The following SEMA6D variants were observed in gnomAD, a reference collection of about 807,000 sequenced individuals.
SEMA6D encodes the protein semaphorin-6D.
A neutral mutation model predicts 106.6 loss-of-function variants in SEMA6D; 35 were observed. The ratio of observed to expected loss-of-function variants is 0.33; its 90% CI spans 0.25 to 0.44. The LOEUF is 0.44. Ranked by LOEUF, SEMA6D falls within the 20% of genes least tolerant of loss-of-function variation. The pLI is 1.00. For synonymous variants in SEMA6D, 499 were observed against 487.7 expected (o/e 1.02, Z -0.31); for missense variants, 1,185 against 1,345.9 (o/e 0.88, Z 1.87).
At chr15:47,193,371 T>G (rs1310656260) in intron 1 of SEMA6D, among the ~76,000 whole-genome samples, 1 of 152,196 alleles carries the variant, frequency 6.6e-6, no homozygotes, top group East Asian at 1.9e-4. Flanking sequence ...TTGGAGCATT[T>G]TGGATTTCAG....
At chr15:47,216,209 C>T (rs1163681676) in intron 1 of SEMA6D, among the ~76,000 whole-genome samples, 1 of 152,058 alleles carries the variant, frequency 6.6e-6, no homozygotes, top group Admixed American at 6.6e-5. Flanking sequence ...TTTTCATGAG[C>T]ATGTAGCTTT....
intron 4 of SEMA6D, among the ~76,000 whole-genome samples, chr15:47,668,996 T>A (rs1308246905): frequency 6.6e-5 from 10 of 152,224 alleles, no homozygotes; most frequent in Non-Finnish European, 2.9e-5. Context: ...AAAAATATTA[T>A]AATGAACACC....
At chr15:47,692,442 A>G (rs1209471150) in intron 4 of SEMA6D, among the ~76,000 whole-genome samples, 1 of 152,182 alleles carries the variant, frequency 6.6e-6, no homozygotes, top group Non-Finnish European at 1.5e-5. Context: ...AATCTTGTTA[A>G]GGTCCACTTG....
At chr15:47,750,480 C>G (rs1381362551) in intron 1 of SEMA6D, among the ~76,000 whole-genome samples, 1 of 152,198 alleles carries the variant, frequency 6.6e-6, no homozygotes, top group African/African-American at 2.4e-5. Flanking sequence ...CCTCTTTCCT[C>G]TCTTGCTGCC....
chr15:47,281,625 A>G (rs980805028), intron 1 of SEMA6D, among the ~76,000 whole-genome samples: 3 of 152,080 alleles, frequency 2.0e-5, no homozygotes, highest in African/African-American at 4.8e-5. Context: ...TCCTAGTCTC[A>G]ATGGTCTTTA....
At chr15:47,342,013 T>C (rs887520050) in intron 1 of SEMA6D, among the ~76,000 whole-genome samples, 7 of 152,136 alleles carry the variant, frequency 4.6e-5, no homozygotes, top group African/African-American at 1.7e-4. Context: ...TGTGTTTTTT[T>C]TTTTCCTTTT....
intron 3 of SEMA6D, among the ~76,000 whole-genome samples, chr15:47,486,926 C>T (rs1349155162): frequency 6.6e-6 from 1 of 152,064 alleles, no homozygotes; most frequent in Admixed American, 6.6e-5. Flanking sequence ...TTTAACTTTC[C>T]CAGAACACAC....
chr15:47,392,061 T>C (rs1186674235), intron 1 of SEMA6D, among the ~76,000 whole-genome samples: 1 of 152,100 alleles, frequency 6.6e-6, no homozygotes, highest in Admixed American at 6.6e-5. Context: ...CCCTGAAGAA[T>C]CTCATTGCCT....
At chr15:47,550,240 ATAAC>A (rs2045642923) in intron 3 of SEMA6D, among the ~76,000 whole-genome samples, 1 of 152,212 alleles carries the variant, frequency 6.6e-6, no homozygotes, top group Non-Finnish European at 1.5e-5. Flanking sequence ...CAGGGCAAGA[ATAAC>A]CAAGCATCTT....
intron 3 of SEMA6D, among the ~76,000 whole-genome samples, chr15:47,581,147 T>C (rs540229068): frequency 3.2e-4 from 48 of 152,344 alleles, no homozygotes; most frequent in African/African-American, 1.2e-3. Context: ...CAGTAGTATT[T>C]ATGTATATAC....
intron 2 of SEMA6D, among the ~76,000 whole-genome samples, chr15:47,470,174 CT>C (rs1405530499): frequency 6.6e-6 from 1 of 152,156 alleles, no homozygotes; most frequent in African/African-American, 2.4e-5. Context: ...AATAACTTTG[CT>C]ACGGTGTGCC....
intron 1 of SEMA6D, among the ~76,000 whole-genome samples, chr15:47,202,495 C>G (rs282512): frequency 0.048 from 7,279 of 152,140 alleles, 223 homozygotes; most frequent in South Asian, 0.14. Flanking sequence ...GCTCACCTCC[C>G]AAGCACTAGC....
At chr15:47,365,988 G>A (rs1021866051) in intron 1 of SEMA6D, among the ~76,000 whole-genome samples, 1 of 151,552 alleles carries the variant, frequency 6.6e-6, no homozygotes, top group Non-Finnish European at 1.5e-5. Flanking sequence ...AACCTACCAC[G>A]TTTTTTTCCA....
At chr15:47,550,952 A>G (rs948907999) in intron 3 of SEMA6D, among the ~76,000 whole-genome samples, 6 of 152,212 alleles carry the variant, frequency 3.9e-5, no homozygotes, top group Non-Finnish European at 8.8e-5. Flanking sequence ...CATTTGCCAT[A>G]AAATAGGCAT....
rs534866475 is a variant in SEMA6D, at chr15:47,677,611, T to G, written c.-55+76715T>G. Among the ~76,000 whole-genome samples, 3 of 152,348 alleles carry G rather than the reference T, an allele frequency of 2.0e-5. No homozygotes were observed. In the East Asian group the frequency reaches 5.8e-4, roughly 29 times the overall value. ...CATAGTTACTGCTTATCAAGAGATC[T>G]GAAGTCCATTCCTGTTTGACCTTGG... On this transcript the variant is annotated intron_variant, in intron 4 of 19. Transcript: ENST00000558014.
chr15:47,635,629 T>C (rs2077373698), intron 4 of SEMA6D, among the ~76,000 whole-genome samples: 1 of 152,214 alleles, frequency 6.6e-6, no homozygotes, highest in Non-Finnish European at 1.5e-5. Context: ...GGATTGAGAC[T>C]TTAACCTGTG....
chr15:47,542,499 G>A (rs901613668), intron 3 of SEMA6D, among the ~76,000 whole-genome samples: 3 of 152,036 alleles, frequency 2.0e-5, no homozygotes, highest in Non-Finnish European at 4.4e-5. Flanking sequence ...ACAATGGTTG[G>A]CCAAGCTTAT....
At chr15:47,277,242 T>A (rs2142390215) in intron 1 of SEMA6D, among the ~76,000 whole-genome samples, 1 of 152,222 alleles carries the variant, frequency 6.6e-6, no homozygotes, top group Non-Finnish European at 1.5e-5. Flanking sequence ...ATTATGCAAA[T>A]ACAGTTAACA....
At chr15:47,667,134 T>G (rs961268079) in intron 4 of SEMA6D, among the ~76,000 whole-genome samples, 1 of 152,208 alleles carries the variant, frequency 6.6e-6, no homozygotes, top group Admixed American at 6.5e-5. Context: ...ACCAAGCCCC[T>G]TCTGCCATGG....
Sources: gnomAD v4.1 joint callset for allele counts (sites outside exome capture counted in the v4.1 genomes callset) on GRCh38, gnomAD v4.1.1 for gene constraint, MANE v1.5 for transcripts, NCBI Gene and HGNC (gene_info 2026-07-23, HGNC 2026-07-21) for gene names.